The following SRGAP1 variants were observed in gnomAD, a reference collection of about 807,000 sequenced individuals.
The protein encoded by SRGAP1 is SLIT-ROBO Rho GTPase-activating protein 1.
A neutral mutation model predicts 121.9 loss-of-function variants in SRGAP1; 43 were observed. That is an observed-to-expected ratio of 0.35 (90% confidence interval 0.28 to 0.46). The LOEUF (loss-of-function observed/expected upper bound fraction) is 0.46, where lower values mean the gene tolerates loss of function less well. Among genes scored for constraint, SRGAP1 ranks in the 20% least tolerant of loss-of-function variants. The pLI is 1.00. For missense variants in SRGAP1, 1,102 were observed against 1,350.9 expected (o/e 0.82, Z 2.89); for synonymous variants, 447 against 485.4 (o/e 0.92, Z 1.04).
Position 64,106,286 on chromosome 12 carries a change from G to GT in SRGAP1, c.1814-2640dup, listed in dbSNP as rs576329068. Among the ~76,000 whole-genome samples, 3 of 152,130 alleles carry GT rather than the reference G, an allele frequency of 2.0e-5. No individual in the cohort carries two copies. In the East Asian group the frequency reaches 5.8e-4, roughly 29 times the overall value. On this transcript the variant is annotated intron_variant, in intron 15 of 21. Transcript: ENST00000355086. ...ATATGTATAATTTCGCTTTTGAAGA[G>GT]TTTTTTCTTTTTCATTTTTAGAGAT...
chr12:64,025,595 T>C (rs1489349851), intron 4 of SRGAP1, among the ~76,000 whole-genome samples: 1 of 152,214 alleles, frequency 6.6e-6, no homozygotes, highest in Non-Finnish European at 1.5e-5. Context: ...TAGGAATATG[T>C]AAAACGCTCC....
intron 4 of SRGAP1, among the ~76,000 whole-genome samples, chr12:64,024,073 T>G (rs2034604181): frequency 6.6e-6 from 1 of 152,202 alleles, no homozygotes; most frequent in South Asian, 2.1e-4. Context: ...AACATGAGCT[T>G]TCTAGACTGT....
At position 63,958,696 on chromosome 12, in the gene SRGAP1, C is replaced by A. The variant is rs532051058; in HGVS notation, c.68-25251C>A. Among the ~76,000 whole-genome samples the A allele has an allele frequency of 3.9e-5, 6 of 152,294 alleles. No homozygotes were observed. The South Asian group carries it at 1.2e-3, about 32-fold the overall frequency. On this transcript the variant is annotated intron_variant, in intron 1 of 21. Coordinates refer to ENST00000355086, the MANE Select transcript of SRGAP1 (RefSeq NM_020762.4). ...TCAGGCAAACTCTTAAGTTGTTTAC[C>A]TGCTTTCTGCAAGTGTTACTTTGAA...
intron 2 of SRGAP1, among the ~76,000 whole-genome samples, chr12:63,989,709 A>G (rs989329577): frequency 2.6e-5 from 4 of 152,238 alleles, no homozygotes; most frequent in East Asian, 3.9e-4. Context: ...CCAAACCTGG[A>G]CAATTGCTGG....
intron 1 of SRGAP1, among the ~76,000 whole-genome samples, chr12:63,971,763 G>GT (rs1565976076): frequency 1.8e-3 from 260 of 148,516 alleles, no homozygotes; most frequent in African/African-American, 5.9e-3. Context: ...TGTGTGTGTG[G>GT]GTGTGTGTGT....
chr12:63,908,016 G>A (rs779033012), intron 1 of SRGAP1, among the ~76,000 whole-genome samples: 1 of 152,152 alleles, frequency 6.6e-6, no homozygotes, highest in Non-Finnish European at 1.5e-5. Flanking sequence ...AACCATAAGT[G>A]TGAGAGTTTA....
intron 18 of SRGAP1, among the ~76,000 whole-genome samples, chr12:64,124,638 C>A (rs76808735): frequency 6.6e-6 from 1 of 152,136 alleles, no homozygotes; most frequent in Admixed American, 6.6e-5. Context: ...AATTGAGGAG[C>A]TTCTTGCAGT....
In SRGAP1 at chr12:64,126,026, T is replaced by A. The variant is rs789722; in HGVS notation, c.2274T>A (p.Ser758=). The change falls in exon 19 of 22, where the codon TCT becomes TCA. Residue 758 remains serine, a synonymous_variant. Coordinates refer to ENST00000355086, the MANE Select transcript of SRGAP1 (RefSeq NM_020762.4). ...CCAAGTTTGACTATGTTGGGCGGTC[T>A]GCCAGAGAACTATCCTTCAAGAAGG... is the stretch of plus-strand genomic sequence containing the variant. ...AIAKFDYVGR[S]ARELSFKKGA... is the part of the protein sequence containing the mutation. 2 of 1,613,848 alleles carry A rather than the reference T, an allele frequency of 1.2e-6. No homozygotes were observed. The highest frequency in any genetic ancestry group is 2.2e-5 in the South Asian group (2 of 91,050).
At chr12:64,133,002 A>G (rs912030868) in intron 21 of SRGAP1, among the ~76,000 whole-genome samples, 5 of 152,230 alleles carry the variant, frequency 3.3e-5, no homozygotes, top group African/African-American at 9.6e-5. Context: ...ATGAAACCAC[A>G]TCTGGTACAG....
At chr12:63,891,602 T>C (rs1900582573) in intron 1 of SRGAP1, among the ~76,000 whole-genome samples, 1 of 152,162 alleles carries the variant, frequency 6.6e-6, no homozygotes. Context: ...GTTGAGCTGA[T>C]GGAAACTATT....
Position 63,884,151 on chromosome 12 carries a change from C to T in SRGAP1, c.67+39268C>T, listed in dbSNP as rs573696129. On this transcript the variant is annotated intron_variant, in intron 1 of 21. Transcript: ENST00000355086. ...TACAAAAATTAGCTGGGTGTGGTGGCGCATGCCTGTAATCCCAGCTACTCG... is the reference window on the plus strand; with the variant it reads ...TACAAAAATTAGCTGGGTGTGGTGGTGCATGCCTGTAATCCCAGCTACTCG... 7.9e-5 allele frequency among the ~76,000 whole-genome samples: 12 copies of T among 151,806 alleles called. No individual in the cohort carries two copies. In the South Asian group the frequency reaches 8.4e-4, roughly 11 times the overall value.
chr12:63,938,970 C>G (rs2031765161), intron 1 of SRGAP1, among the ~76,000 whole-genome samples: 1 of 151,520 alleles, frequency 6.6e-6, no homozygotes, highest in African/African-American at 2.4e-5. Context: ...GCCTGGACAA[C>G]ATGGTGAGAT....
intron 1 of SRGAP1, among the ~76,000 whole-genome samples, chr12:63,935,111 C>G (rs1035311489): frequency 6.6e-6 from 1 of 152,186 alleles, no homozygotes. Context: ...TGTTTTTCCA[C>G]ACCACTCAAC....
At chr12:63,995,229 C>A (rs77295207) in intron 3 of SRGAP1, among the ~76,000 whole-genome samples, 4,099 of 152,174 alleles carry the variant, frequency 0.027, 81 homozygotes, top group Non-Finnish European at 0.044. Flanking sequence ...CAATATAATT[C>A]ATCTTGTTTC....
intron 1 of SRGAP1, among the ~76,000 whole-genome samples, chr12:63,891,784 C>T (rs1396432836): frequency 6.6e-6 from 1 of 151,904 alleles, no homozygotes; most frequent in African/African-American, 2.4e-5. Context: ...GCCAGGAGTT[C>T]GAGACCAGCC....
At chr12:63,929,518 G>A (rs2031385853) in intron 1 of SRGAP1, among the ~76,000 whole-genome samples, 1 of 151,434 alleles carries the variant, frequency 6.6e-6, no homozygotes, top group African/African-American at 2.4e-5. Flanking sequence ...TGGGGTTTCT[G>A]ATATAGTTGG....
Position 64,150,711 on chromosome 12 carries a change from G to A in SRGAP1, c.*8039G>A, listed in dbSNP as rs1842312319. ...CCAGCACTTTGAGAGGCCAAGGCAG[G>A]AGGATCAAAAAATGCGAATTTTTAT... On this transcript the variant is annotated 3_prime_UTR_variant, in exon 22 of 22. Coordinates refer to ENST00000355086, the MANE Select transcript of SRGAP1 (RefSeq NM_020762.4). 1 of 50,038 alleles carries A rather than the reference G, an allele frequency of 2.0e-5. No individual in the cohort carries two copies. 3.1% of individuals were successfully genotyped at this position (50,038 alleles called of 1,614,324 possible). A position where few individuals can be genotyped will look rare whatever the true frequency, so the allele number is the denominator to read the frequency against.
chr12:64,042,983 A>T lies in SRGAP1; in HGVS notation c.672+11A>T, dbSNP rs1322842734. ...AAAATGAAAGAAAAAGTAAGTAAAG[A>T]GATTGCAGAGCTCTTCTGCCTTCAT... On this transcript the variant is annotated intron_variant, in intron 5 of 21. Coordinates refer to ENST00000355086, the MANE Select transcript of SRGAP1 (RefSeq NM_020762.4). 6.3e-7 allele frequency: 1 copy of T among 1,596,522 alleles called. No homozygotes were observed.
At chr12:63,854,363 A>G (rs1039449118) in intron 1 of SRGAP1, among the ~76,000 whole-genome samples, 1 of 152,202 alleles carries the variant, frequency 6.6e-6, no homozygotes, top group East Asian at 1.9e-4. Context: ...AATTTTAAAA[A>G]TTGGAATAGT....
Sources: allele counts gnomAD v4.1 joint callset (sites outside exome capture counted in the v4.1 genomes callset), GRCh38; gene constraint gnomAD v4.1.1; transcripts MANE v1.5; gene names NCBI Gene and HGNC (gene_info 2026-07-23, HGNC 2026-07-21).